ADAT3: variants seen among roughly 807,000 people sequenced by gnomAD.
The protein encoded by ADAT3 is adenosine deaminase tRNA specific 3, also known as tRNA-specific adenosine-34 deaminase regulatory subunit ADAT3.
Under a neutral mutation model 3.5 loss-of-function variants are expected in ADAT3, and 2 were observed. The observed-to-expected ratio is 0.57, with a 90% CI of 0.23 to 1.79. The LOEUF (loss-of-function observed/expected upper bound fraction) is 1.79. Ranked by LOEUF, ADAT3 falls within the 40% of genes most tolerant of loss-of-function variation. The probability of loss-of-function intolerance (pLI) is 0.18; values close to 1 mark genes in which losing one functional copy is unlikely to be tolerated. For missense variants in ADAT3, 735 were observed against 571.4 expected (o/e 1.29, Z -2.92); for synonymous variants, 358 against 270.3 (o/e 1.32, Z -3.18).
In ADAT3 at chr19:1,912,953, G is replaced by C. The variant is rs2013565380; in HGVS notation, c.906G>C (p.Val302=). The C allele has an allele frequency of 3.7e-6, 6 of 1,610,312 alleles. No individual in the cohort carries two copies. Among genetic ancestry groups the C allele is most frequent in the Non-Finnish European group, 5.1e-6 (6 of 1,179,368 alleles). Residue 302 remains valine (V), a synonymous_variant, in exon 2 of 2, where the codon GTG becomes GTC. Coordinates refer to ENST00000329478, the MANE Select transcript of ADAT3 (RefSeq NM_138422.4). ...PYLCTGYDLY[V]TREPCAMCAM... ...TGTGCACTGGCTACGACCTGTACGT[G>C]ACCCGCGAGCCCTGCGCCATGTGCG...
In ADAT3 at chr19:1,913,407, G is replaced by A. The variant is rs1019932699; in HGVS notation, c.*256G>A. ...TTGTGTCCCCTCTGTCTCGCGGGCC[G>A]GGAAACTGCTCTGATGGGAAAATAA... is the stretch of plus-strand genomic sequence containing the variant. On this transcript the variant is annotated 3_prime_UTR_variant, in exon 2 of 2. Coordinates refer to ENST00000329478, the MANE Select transcript of ADAT3 (RefSeq NM_138422.4). 7 of 591,370 alleles carry A rather than the reference G, an allele frequency of 1.2e-5. No individual in the cohort carries two copies. Among genetic ancestry groups the A allele is most frequent in the African/African-American group, 7.7e-5 (4 of 51,894 alleles). The allele number at this position is 591,370 out of a possible 1,614,324, so 36.6% of individuals were successfully genotyped here.
At chr19:1,909,544 CTCACCTGTGCCAGTGGCTGGGATGTCT>C (rs1232958257) in intron 1 of ADAT3, among the ~76,000 whole-genome samples, 1 of 151,996 alleles carries the variant, frequency 6.6e-6, no homozygotes, top group Non-Finnish European at 1.5e-5. Context: ...GCCTCCCGTC[CTCACCTGTGCCAGTGGCTGGGATGTCT>C]TCACCTGTGC....
intron 1 of ADAT3, among the ~76,000 whole-genome samples, chr19:1,909,586 A>G (rs8102973): frequency 2.0e-5 from 2 of 99,644 alleles, no homozygotes; most frequent in African/African-American, 5.2e-5. Flanking sequence ...CTGTGCCAGC[A>G]GCAGGGATGT....
chr19:1,907,559 C>T (rs1374292690), intron 1 of ADAT3, among the ~76,000 whole-genome samples: 1 of 152,156 alleles, frequency 6.6e-6, no homozygotes, highest in Non-Finnish European at 1.5e-5. Flanking sequence ...GGTGGACATA[C>T]CCAGGTCCCG....
In ADAT3 at chr19:1,908,593, T is replaced by A. The variant is rs147205875; in HGVS notation, c.-159+3154T>A. ...CATCTGCGGCTTAGCCCCAGCACCA[T>A]CTGAGGCAGTACTGTCTGCTAGAAA... On this transcript the variant is annotated intron_variant, in intron 1 of 1. Transcript: ENST00000329478. The surrounding 1 kb of genome is among the most constrained non-coding windows in gnomAD (Gnocchi z 4.2). The A allele has an allele frequency of 9.1e-4, 428 of 471,116 alleles. 9 individuals are homozygous for A. The East Asian group carries it at 0.024, about 27-fold the overall frequency. The allele number at this position is 471,116 out of a possible 1,614,324, so 29.2% of individuals were successfully genotyped here.
intron 1 of ADAT3, chr19:1,906,375 A>G (rs1847391590): frequency 6.6e-6 from 1 of 152,082 alleles, no homozygotes; most frequent in Non-Finnish European, 1.5e-5. Flanking sequence ...AAAAGAAAAA[A>G]AGATTTTTTT....
chr19:1,909,714 C>CG (rs201695660), intron 1 of ADAT3, among the ~76,000 whole-genome samples: 1 of 151,694 alleles, frequency 6.6e-6, no homozygotes, highest in African/African-American at 2.4e-5. Context: ...GCAGGAGCCC[C>CG]GGGAGTGATC....
Position 1,910,883 on chromosome 19 carries a change from G to A in ADAT3, c.-158-1007G>A, listed in dbSNP as rs1221416759. On this transcript the variant is annotated intron_variant, in intron 1 of 1. Transcript: ENST00000329478. ...AGCCACCACGCCTGGCTTTTTTGTTGTTTTTTGACAGTCTCGCGCTGTTAC... is the reference window on the plus strand; with the variant it reads ...AGCCACCACGCCTGGCTTTTTTGTTATTTTTTGACAGTCTCGCGCTGTTAC... Among the ~76,000 whole-genome samples, 3 of 138,230 alleles carry A rather than the reference G, an allele frequency of 2.2e-5. 1 individual carries two copies. The highest frequency in any genetic ancestry group is 1.4e-4 in the Admixed American group (2 of 13,932). 90.7% of individuals were successfully genotyped at this position (138,230 alleles called of 152,430 possible).
chr19:1,911,284 G>C (rs2013432081), intron 1 of ADAT3, among the ~76,000 whole-genome samples: 1 of 151,924 alleles, frequency 6.6e-6, no homozygotes, highest in African/African-American at 2.4e-5. Flanking sequence ...TGCTCCTCCT[G>C]TTTCAGCTTC....
chr19:1,906,351 C>T (rs2013111639), intron 1 of ADAT3: 1 of 149,426 alleles, frequency 6.7e-6, no homozygotes, highest in Admixed American at 6.8e-5. Context: ...GCTAGCAAGA[C>T]TCACTCTCCA....
chr19:1,910,935 C>T (rs533336447), intron 1 of ADAT3, among the ~76,000 whole-genome samples: 21 of 151,474 alleles, frequency 1.4e-4, no homozygotes, highest in Non-Finnish European at 2.7e-4. Flanking sequence ...GGCGCGATCT[C>T]GGCTCAATGT....
chr19:1,906,409 CAT>C (rs564534242), intron 1 of ADAT3: 15 of 151,654 alleles, frequency 9.9e-5, no homozygotes, highest in East Asian at 5.8e-4. Flanking sequence ...CATGGTGACA[CAT>C]GTCTGTGGTC....
chr19:1,911,927 G>T lies in ADAT3; in HGVS notation c.-121G>T. ...CATGAGGGAGTGTAGCTCTGATGCG[G>T]TGACCTGGGCCGGAGCCCTCGGACT... On this transcript the variant is annotated 5_prime_UTR_variant, in exon 2 of 2. Transcript: ENST00000329478. The T allele has an allele frequency of 7.8e-7, 1 of 1,286,810 alleles. No individual in the cohort carries two copies. The highest frequency in any genetic ancestry group is 1.7e-5 in the South Asian group (1 of 58,056). The allele number at this position is 1,286,810 out of a possible 1,614,324, so 79.7% of individuals were successfully genotyped here.
At chr19:1,911,536 A>G (rs1414735086) in intron 1 of ADAT3, among the ~76,000 whole-genome samples, 3 of 152,182 alleles carry the variant, frequency 2.0e-5, no homozygotes, top group Non-Finnish European at 2.9e-5. Flanking sequence ...CTGTAATCCC[A>G]CCACCAGGTT....
At chr19:1,905,527 T>G (rs2145416515) in intron 1 of ADAT3, 88 bp downstream of exon 1, 1 of 340,252 alleles carries the variant, frequency 2.9e-6, no homozygotes, top group Middle Eastern at 4.5e-4. Context: ...GTCTCGGCGG[T>G]GAGGGGCGCC....
In ADAT3 at chr19:1,912,397, CG is replaced by C. The variant is rs2013511081; in HGVS notation, c.353del (p.Gly118AlafsTer33). 1 of 1,515,736 alleles carries C rather than the reference CG, an allele frequency of 6.6e-7. No individual in the cohort carries two copies. The highest frequency in any genetic ancestry group is 1.4e-5 in the African/African-American group (1 of 69,742). 93.9% of individuals were successfully genotyped at this position (1,515,736 alleles called of 1,614,324 possible). On this transcript the variant is annotated frameshift_variant, in exon 2 of 2. Transcript: ENST00000329478. LOFTEE classifies it low-confidence loss of function (END_TRUNC). ...EMLLCLAGPA[S>X]GPRSLAELLP... ...CTGCTTTGCCTGGCTGGGCCGGCCT[CG>C]GGCCCGCGCTCGCTGGCTGAGCTCC...
intron 1 of ADAT3, 115 bp from the exon 2 acceptor site, chr19:1,911,775 C>T (rs114507095): frequency 0.019 from 6,451 of 337,608 alleles, 390 homozygotes; most frequent in African/African-American, 0.13. Context: ...AGCGAGACTC[C>T]GTCTCAGAAG....
intron 1 of ADAT3, 98 bp downstream of exon 1, chr19:1,905,537 C>G: frequency 3.0e-6 from 1 of 334,278 alleles, no homozygotes; most frequent in Non-Finnish European, 6.6e-6. Flanking sequence ...TGAGGGGCGC[C>G]GGCCGTTTGT....
chr19:1,912,676 C>G lies in ADAT3; in HGVS notation c.629C>G (p.Ala210Gly), dbSNP rs754671925. Residue 210 changes from alanine (A) to glycine (G), a missense_variant, in exon 2 of 2, where the codon GCC becomes GGC. Physicochemically the swap from Ala to Gly is moderately conservative, Grantham distance 60. Transcript: ENST00000329478. ...CGGGCAGCAGCGCGGGGCTTGCGGG[C>G]CGTGGGGGCCGTGGTAGTGGACCCG... Reference protein sequence around the residue: ...ARRAAARGLRAVGAVVVDPAS... With the variant: ...ARRAAARGLRGVGAVVVDPAS... 6.9e-7 allele frequency: 1 copy of G among 1,442,060 alleles called. No individual in the cohort carries two copies. Among genetic ancestry groups the G allele is most frequent in the South Asian group, 1.4e-5 (1 of 71,322 alleles). The allele number at this position is 1,442,060 out of a possible 1,614,324, so 89.3% of individuals were successfully genotyped here.
Sources: allele counts gnomAD v4.1 joint callset (sites outside exome capture counted in the v4.1 genomes callset), GRCh38; gene constraint gnomAD v4.1.1; non-coding constraint Gnocchi (gnomAD v3.1); transcripts MANE v1.5; gene names NCBI Gene and HGNC (gene_info 2026-07-23, HGNC 2026-07-21).